The following SRSF11 variants were observed in gnomAD, a reference collection of about 807,000 sequenced individuals.
SRSF11 encodes the protein serine and arginine rich splicing factor 11.
In SRSF11, 9 loss-of-function variants were observed where a neutral mutation model predicts 56.0. The observed-to-expected ratio is 0.16, with a 90% CI of 0.10 to 0.28. The LOEUF (loss-of-function observed/expected upper bound fraction) is 0.28. Among genes scored for constraint, SRSF11 ranks in the 10% least tolerant of loss-of-function variants. The pLI is 1.00. For synonymous variants in SRSF11, 222 were observed against 215.3 expected, an observed-to-expected ratio of 1.03 and a Z score of -0.27; for missense variants, 421 against 600.7, an observed-to-expected ratio of 0.70 and a Z score of 3.13.
At chr1:70,208,325 G>GGTGTGTGTGTGT (rs112343589) in intron 1 of SRSF11, among the ~76,000 whole-genome samples, 5 of 148,744 alleles carry the variant, frequency 3.4e-5, no homozygotes, top group East Asian at 4.0e-4. Context: ...TACAGTGTAT[G>GGTGTGTGTGTGT]GTGTGTGTGT....
intron 8 of SRSF11, among the ~76,000 whole-genome samples, chr1:70,246,288 G>A (rs186582169): frequency 1.4e-4 from 21 of 152,156 alleles, no homozygotes; most frequent in Admixed American, 4.6e-4. Flanking sequence ...AGTTACGGCT[G>A]TAGTCAAAAT....
chr1:70,247,526 G>A (rs2101003951), intron 9 of SRSF11, among the ~76,000 whole-genome samples: 1 of 151,910 alleles, frequency 6.6e-6, no homozygotes, highest in East Asian at 1.9e-4. Flanking sequence ...AAATTCACTA[G>A]GAGAAGGTTC....
At chr1:70,238,562 T>C (rs1297279089) in intron 6 of SRSF11, among the ~76,000 whole-genome samples, 8 of 152,218 alleles carry the variant, frequency 5.3e-5, no homozygotes, top group African/African-American at 1.9e-4. Flanking sequence ...AGTTCTAGAT[T>C]TCCTTTCTAT....
At chr1:70,234,853 G>A in intron 4 of SRSF11, 65 bp downstream of exon 4, 1 of 1,361,720 alleles carries the variant, frequency 7.3e-7, no homozygotes, top group Non-Finnish European at 1.0e-6. Context: ...TTAACTGTTG[G>A]TTTGCATTTC....
chr1:70,221,170 A>G (rs1329646585), upstream of SRSF11: 1 of 157,674 alleles, frequency 6.3e-6, no homozygotes, highest in Non-Finnish European at 1.4e-5. Context: ...TTTTAAAAAA[A>G]AAGTTTATAC....
In SRSF11 at chr1:70,228,738, C is replaced by A. The variant is rs919756155; in HGVS notation, c.337+183C>A. 4.9e-5 allele frequency: 62 copies of A among 1,274,324 alleles called. No homozygotes were observed. The Middle Eastern group carries it at 8.5e-4, about 18-fold the overall frequency. 78.9% of individuals were successfully genotyped at this position (1,274,324 alleles called of 1,614,324 possible). ...TAATTCTAAAAATTAGAAATTAGGT[C>A]TGTTATTATAAGGTATTTACCTTTT... On this transcript the variant is annotated intron_variant, in intron 2 of 11. Transcript: ENST00000370949.
At chr1:70,235,812 A>G (rs1018477670) in intron 5 of SRSF11, among the ~76,000 whole-genome samples, 1 of 152,254 alleles carries the variant, frequency 6.6e-6, no homozygotes, top group African/African-American at 2.4e-5. Flanking sequence ...ATAAGGGACA[A>G]CTTCGTTTGA....
intron 11 of SRSF11, 31 bp downstream of exon 11, chr1:70,250,534 T>C (rs41287906): frequency 6.2e-7 from 1 of 1,607,660 alleles, no homozygotes; most frequent in Non-Finnish European, 8.5e-7. Context: ...ATTTTTATAT[T>C]TGGGGTGATG....
chr1:70,211,346 T>C (rs1233854661), intron 1 of SRSF11, among the ~76,000 whole-genome samples: 1 of 152,108 alleles, frequency 6.6e-6, no homozygotes. Flanking sequence ...ACCCACAATT[T>C]TGTTCAATTG....
At chr1:70,250,584 C>T (rs1377960989) in intron 11 of SRSF11, 24 bp from the exon 12 acceptor site, 1 of 1,608,392 alleles carries the variant, frequency 6.2e-7, no homozygotes, top group South Asian at 1.1e-5. Context: ...GAGAAGTTTA[C>T]TTTTATTATT....
intron 2 of SRSF11, chr1:70,229,091 A>G (rs1672406000): frequency 1.6e-5 from 18 of 1,139,836 alleles, no homozygotes; most frequent in Non-Finnish European, 2.0e-5. Flanking sequence ...CTTAGGTGCC[A>G]AATGGGCACT....
At chr1:70,239,724 A>C (rs191971067) in intron 7 of SRSF11, among the ~76,000 whole-genome samples, 89 of 152,320 alleles carry the variant, frequency 5.8e-4, no homozygotes, top group Admixed American at 2.9e-3. Flanking sequence ...TAAAACCCCC[A>C]AAAATTCAGA....
intron 3 of SRSF11, among the ~76,000 whole-genome samples, chr1:70,233,932 T>G (rs1168918177): frequency 6.6e-6 from 1 of 152,142 alleles, no homozygotes; most frequent in Non-Finnish European, 1.5e-5. Flanking sequence ...GAATCACAAG[T>G]ATAAGAAACA....
At chr1:70,224,161 C>T (rs1247624186) in intron 1 of SRSF11, among the ~76,000 whole-genome samples, 1 of 152,084 alleles carries the variant, frequency 6.6e-6, no homozygotes, top group Non-Finnish European at 1.5e-5. Flanking sequence ...CCACCTCTTC[C>T]CCCTCCCTGC....
chr1:70,218,891 C>T (rs1395366187), upstream of SRSF11: 1 of 151,842 alleles, frequency 6.6e-6, no homozygotes. Flanking sequence ...CAACCCCCAT[C>T]AAAAATATTC....
chr1:70,222,403 C>T (rs1670847703), intron 1 of SRSF11, among the ~76,000 whole-genome samples: 2 of 152,016 alleles, frequency 1.3e-5, no homozygotes, highest in African/African-American at 4.8e-5. Context: ...GGTTATAAAC[C>T]AGAGATTTTC....
upstream of SRSF11, among the ~76,000 whole-genome samples, chr1:70,218,407 T>G (rs2100554919): frequency 6.6e-6 from 1 of 152,382 alleles, no homozygotes; most frequent in Non-Finnish European, 1.5e-5. Flanking sequence ...ACTTAGTTTC[T>G]CTATAGCAAA....
At chr1:70,209,705 C>T (rs1669365579) in intron 1 of SRSF11, among the ~76,000 whole-genome samples, 1 of 147,160 alleles carries the variant, frequency 6.8e-6, no homozygotes, top group Admixed American at 6.8e-5. Context: ...CGCATCTCAG[C>T]CTCACAACTA....
intron 3 of SRSF11, 108 bp from the exon 4 acceptor site, chr1:70,234,588 G>T: frequency 1.3e-6 from 1 of 788,650 alleles, no homozygotes; most frequent in African/African-American, 1.7e-5. Context: ...AGACCATGTA[G>T]CCTGAAAACT....
Sources: gnomAD v4.1 joint callset for allele counts (sites outside exome capture counted in the v4.1 genomes callset) on GRCh38, gnomAD v4.1.1 for gene constraint, MANE v1.5 for transcripts, NCBI Gene and HGNC (gene_info 2026-07-23, HGNC 2026-07-21) for gene names.